TUBB8: variants seen among roughly 807,000 people sequenced by gnomAD.
TUBB8 encodes the protein tubulin beta 8 class VIII.
TUBB8 carries 25 observed loss-of-function variants against 33.7 expected under a neutral mutation model. The observed-to-expected ratio is 0.74, with a 90% CI of 0.54 to 1.04. TUBB8 has a LOEUF of 1.04. TUBB8 is among the 50% of genes least tolerant of loss of function. The pLI is 0.00. For missense variants in TUBB8, 279 were observed against 608.0 expected (o/e 0.46, Z 5.69); for synonymous variants, 245 against 240.1 (o/e 1.02, Z -0.19).
rs541974544 is a variant in TUBB8 at position 67,103 on chromosome 10, G to C, written c.-846+6866C>G. Among the ~76,000 whole-genome samples, 18 of 142,028 alleles carry C rather than the reference G, an allele frequency of 1.3e-4. No individual in the cohort carries two copies. In the South Asian group the frequency reaches 2.4e-3, roughly 19 times the overall value. The allele number at this position is 142,028 out of a possible 152,430, so 93.2% of individuals were successfully genotyped here. On this transcript the variant is annotated intron_variant, in intron 1 of 3. Coordinates refer to the TUBB8 transcript ENST00000564130. ...ATTTTATTACTGTTGCTTTATAGTA[G>C]GATTTGAAATTTGGAAATGTGAGCC... is the stretch of plus-strand genomic sequence containing the variant.
intron 1 of TUBB8, 26 bp downstream of exon 1, chr10:49,156 A>C (rs11251929): frequency 6.4e-7 from 1 of 1,555,108 alleles, no homozygotes; most frequent in Non-Finnish European, 8.7e-7. Context: ...GGCCCGGGCT[A>C]GGCCCTCAGA....
intron 1 of TUBB8, among the ~76,000 whole-genome samples, chr10:58,899 G>A (rs1834564898): frequency 1.3e-5 from 2 of 152,140 alleles, no homozygotes; most frequent in South Asian, 4.1e-4. Flanking sequence ...TTTTCCAACT[G>A]GGGTGCCTTT....
At chr10:48,522 C>T (rs1437494493) in intron 3 of TUBB8, 93 bp downstream of exon 3, 2 of 1,257,712 alleles carry the variant, frequency 1.6e-6, no homozygotes. Flanking sequence ...GGGGCCCTAG[C>T]TCCACAGTTC....
chr10:73,378 C>A (rs1554742616), intron 1 of TUBB8, among the ~76,000 whole-genome samples: 1 of 152,180 alleles, frequency 6.6e-6, no homozygotes, highest in African/African-American at 2.4e-5. Flanking sequence ...AGGTGGCTCA[C>A]GCCTGTAATC....
At chr10:54,168 T>A (rs1554739930), upstream of TUBB8, among the ~76,000 whole-genome samples, 1 of 152,220 alleles carries the variant, frequency 6.6e-6, no homozygotes, top group East Asian at 1.9e-4. Context: ...CCATTTCACA[T>A]CCCCACTAAC....
intron 1 of TUBB8, among the ~76,000 whole-genome samples, chr10:66,122 A>C: frequency 6.6e-6 from 1 of 152,248 alleles, no homozygotes; most frequent in Non-Finnish European, 1.5e-5. Flanking sequence ...ACTGTACGGG[A>C]AGTTCCATCC....
intron 1 of TUBB8, among the ~76,000 whole-genome samples, chr10:64,443 ACCCT>A (rs1554741316): frequency 6.6e-6 from 1 of 151,072 alleles, no homozygotes; most frequent in Non-Finnish European, 1.5e-5. Context: ...TTAACCCCTA[ACCCT>A]AACTCTAAAA....
At chr10:76,488 G>T (rs1356002025), upstream of TUBB8, among the ~76,000 whole-genome samples, 1 of 152,186 alleles carries the variant, frequency 6.6e-6, no homozygotes, top group South Asian at 2.1e-4. Context: ...GCGGCCCCAG[G>T]TGTCCCGGAG....
At chr10:49,054 C>T in intron 1 of TUBB8, 128 bp downstream of exon 1, 1 of 1,321,700 alleles carries the variant, frequency 7.6e-7, no homozygotes, top group Non-Finnish European at 1.0e-6. Context: ...TCGCCAGCCA[C>T]CCGGTTCCAC....
chr10:57,367 G>T (rs1259155240), intron 1 of TUBB8, among the ~76,000 whole-genome samples: 1 of 152,236 alleles, frequency 6.6e-6, no homozygotes, highest in East Asian at 1.9e-4. Context: ...GCCCACATGG[G>T]GACTGTAACT....
rs1278237587 is a variant in TUBB8, at chr10:48,079, G to A, written c.313C>T (p.His105Tyr). The A allele has an allele frequency of 2.5e-6, 4 of 1,613,820 alleles. No homozygotes were observed. The highest frequency in any genetic ancestry group is 3.4e-6 in the Non-Finnish European group (4 of 1,179,940). ...ATCAGCTCCGCGCCTTCGGTGTAGT[G>A]TCCCTTGGCCCAGTTGTTTCCGGCC... is the stretch of plus-strand genomic sequence containing the variant. ...CGAGNNWAKGHYTEGAELMES... is the reference protein window; with the variant it reads ...CGAGNNWAKGYYTEGAELMES... Residue 105 changes from histidine (H) to tyrosine (Y), a missense_variant, in exon 4 of 4, where the codon CAC becomes TAC. By Grantham distance (83) the His-to-Tyr change is moderately conservative. Transcript: ENST00000568584.
chr10:51,847 T>C (rs1834472182), upstream of TUBB8, among the ~76,000 whole-genome samples: 1 of 152,182 alleles, frequency 6.6e-6, no homozygotes, highest in South Asian at 2.1e-4. Flanking sequence ...AGAAAAGTGG[T>C]AGCAGCAATA....
intron 3 of TUBB8, 35 bp from the exon 4 acceptor site, chr10:48,149 G>A (rs1313904634): frequency 1.9e-5 from 25 of 1,296,622 alleles, no homozygotes; most frequent in Non-Finnish European, 2.4e-5. Context: ...TCGACGGCCA[G>A]GTATACGGTC....
At chr10:57,778 T>G (rs13328761) in intron 1 of TUBB8, among the ~76,000 whole-genome samples, 7,374 of 115,682 alleles carry the variant, frequency 0.064, no homozygotes, top group African/African-American at 0.14. Context: ...ATGCCTTCAA[T>G]TCCTCTTTCC....
At chr10:67,748 G>A (rs1834689136) in intron 1 of TUBB8, among the ~76,000 whole-genome samples, 1 of 152,100 alleles carries the variant, frequency 6.6e-6, no homozygotes, top group Admixed American at 6.6e-5. Flanking sequence ...TTGTACCTTG[G>A]TTAAATTTAT....
chr10:57,676 A>T (rs7897257), intron 1 of TUBB8, among the ~76,000 whole-genome samples: 2 of 152,198 alleles, frequency 1.3e-5, no homozygotes, highest in African/African-American at 4.8e-5. Flanking sequence ...AAGGCTACCC[A>T]AGGCAGCAGT....
At chr10:50,671 T>G (rs1195844820), upstream of TUBB8, among the ~76,000 whole-genome samples, 5 of 152,208 alleles carry the variant, frequency 3.3e-5, no homozygotes, top group African/African-American at 1.2e-4. Flanking sequence ...AATTGCAGCA[T>G]AAGCATGAAG....
chr10:50,161 C>T (rs1423270023), upstream of TUBB8: 1 of 152,330 alleles, frequency 6.6e-6, no homozygotes, highest in African/African-American at 2.4e-5. Flanking sequence ...AAATTGCTGG[C>T]CATTTGAGTC....
intron 1 of TUBB8, among the ~76,000 whole-genome samples, chr10:56,222 G>C (rs1480918286): frequency 6.6e-6 from 1 of 152,010 alleles, no homozygotes; most frequent in Non-Finnish European, 1.5e-5. Context: ...CACACATTTT[G>C]TTTTATTTGT....
Sources: allele counts gnomAD v4.1 joint callset (sites outside exome capture counted in the v4.1 genomes callset), GRCh38; gene constraint gnomAD v4.1.1; transcripts MANE v1.5; gene names NCBI Gene and HGNC (gene_info 2026-07-23, HGNC 2026-07-21).